The following PIGB variants were observed in gnomAD, a reference collection of about 807,000 sequenced individuals.
The protein encoded by PIGB is phosphatidylinositol glycan anchor biosynthesis class B, also known as GPI alpha-1,2-mannosyltransferase 3.
A neutral mutation model predicts 68.4 loss-of-function variants in PIGB; 58 were observed. The ratio of observed to expected loss-of-function variants is 0.85; its 90% CI spans 0.69 to 1.06. The LOEUF is 1.06. Among genes scored for constraint, PIGB ranks in the 50% least tolerant of loss-of-function variants. PIGB has a pLI of 0.00. For synonymous variants in PIGB, 219 were observed against 220.5 expected, an observed-to-expected ratio of 0.99 and a Z score of 0.06; for missense variants, 634 against 655.8, an observed-to-expected ratio of 0.97 and a Z score of 0.36.
chr15:55,332,061 T>C (rs1401815138), intron 5 of PIGB, among the ~76,000 whole-genome samples: 1 of 151,904 alleles, frequency 6.6e-6, no homozygotes, highest in Non-Finnish European at 1.5e-5. Context: ...CACTGCAACC[T>C]CTGCCTCCTG....
intron 9 of PIGB, among the ~76,000 whole-genome samples, chr15:55,345,449 A>G (rs1382097348): frequency 6.6e-6 from 1 of 152,130 alleles, no homozygotes; most frequent in Non-Finnish European, 1.5e-5. Context: ...TACTTCCTTA[A>G]CAAAATAGCA....
chr15:55,333,637 C>T (rs562320812), intron 5 of PIGB, among the ~76,000 whole-genome samples: 1 of 152,280 alleles, frequency 6.6e-6, no homozygotes, highest in East Asian at 1.9e-4. Context: ...GATGCTGAGG[C>T]AGGAGAATCA....
chr15:55,326,150 T>C (rs913456633), intron 3 of PIGB, among the ~76,000 whole-genome samples: 1 of 150,820 alleles, frequency 6.6e-6, no homozygotes, highest in African/African-American at 2.4e-5. Flanking sequence ...TGAGCCGTGA[T>C]CGTGCCACTG....
chr15:55,320,413 A>T lies in PIGB; in HGVS notation c.299+3A>T. On this transcript the variant is annotated splice_donor_region_variant and intron_variant, in intron 2 of 11. Transcript: ENST00000164305. The stretch of plus-strand genomic sequence containing the variant: ...GTTTCACATCACATGGTTTTCAAAT[A>T]TCCTTTGTGGTTTCTTTTCCAGACT... The T allele has an allele frequency of 6.2e-7, 1 of 1,612,392 alleles. No homozygotes were observed. Among genetic ancestry groups the T allele is most frequent in the South Asian group, 1.1e-5 (1 of 90,940 alleles).
In PIGB at chr15:55,355,508, AG is replaced by A; in HGVS notation, c.*77del. ...TAAATACTTCGGTAAACACTGGGTA[AG>A]ATTCATGGAACTTAGAAAAAAGCTG... On this transcript the variant is annotated 3_prime_UTR_variant, in exon 12 of 12. Transcript: ENST00000164305. 8.3e-7 allele frequency: 1 copy of A among 1,201,664 alleles called. No individual in the cohort carries two copies. Among genetic ancestry groups the A allele is most frequent in the Non-Finnish European group, 1.2e-6 (1 of 852,680 alleles). 74.4% of individuals were successfully genotyped at this position (1,201,664 alleles called of 1,614,324 possible).
intron 9 of PIGB, among the ~76,000 whole-genome samples, chr15:55,348,676 A>G (rs2055858140): frequency 1.3e-5 from 2 of 152,196 alleles, no homozygotes; most frequent in African/African-American, 4.8e-5. Context: ...ACCTTCTGCC[A>G]TGAGTGGAAG....
intron 5 of PIGB, among the ~76,000 whole-genome samples, chr15:55,332,837 A>G (rs911679125): frequency 2.0e-5 from 3 of 152,170 alleles, no homozygotes; most frequent in Non-Finnish European, 4.4e-5. Flanking sequence ...GTCTCTTTCA[A>G]CCATTAGTTT....
chr15:55,331,451 C>T (rs1042023295), intron 5 of PIGB, among the ~76,000 whole-genome samples: 7 of 152,106 alleles, frequency 4.6e-5, no homozygotes, highest in Admixed American at 2.0e-4. Context: ...TGGTGGTTCA[C>T]GCCTGTAATC....
intron 10 of PIGB, among the ~76,000 whole-genome samples, chr15:55,354,216 G>A (rs1053548814): frequency 6.6e-6 from 1 of 151,904 alleles, no homozygotes; most frequent in Non-Finnish European, 1.5e-5. Flanking sequence ...TTGGGAGGCT[G>A]AGACAGGAGA....
intron 9 of PIGB, among the ~76,000 whole-genome samples, chr15:55,344,550 A>G (rs1429224850): frequency 1.3e-5 from 2 of 152,228 alleles, no homozygotes; most frequent in East Asian, 3.8e-4. Context: ...CAGGAAGAAA[A>G]ATAATTGCAG....
intron 6 of PIGB, among the ~76,000 whole-genome samples, chr15:55,336,003 G>A (rs2055526393): frequency 6.7e-6 from 1 of 148,926 alleles, no homozygotes; most frequent in African/African-American, 2.5e-5. Context: ...AAGTGAGTAA[G>A]ATACAGTGTC....
chr15:55,347,245 G>A (rs2055815013), intron 9 of PIGB, among the ~76,000 whole-genome samples: 1 of 152,148 alleles, frequency 6.6e-6, no homozygotes, highest in East Asian at 1.9e-4. Context: ...GGCCAACATG[G>A]TGAAACCCCA....
chr15:55,349,550 C>G (rs1346945671), intron 9 of PIGB: 5 of 152,144 alleles, frequency 3.3e-5, no homozygotes, highest in Non-Finnish European at 7.4e-5. Flanking sequence ...TTTTCTTAAT[C>G]TTGCTACATT....
intron 4 of PIGB, among the ~76,000 whole-genome samples, 190 bp downstream of exon 4, chr15:55,327,825 C>T (rs2055327651): frequency 1.3e-5 from 2 of 152,186 alleles, no homozygotes; most frequent in Admixed American, 1.3e-4. Context: ...TTAAGCCCTG[C>T]ACAGTGTAAG....
intron 9 of PIGB, among the ~76,000 whole-genome samples, chr15:55,342,769 T>G (rs1287126112): frequency 6.6e-6 from 1 of 152,252 alleles, no homozygotes; most frequent in Non-Finnish European, 1.5e-5. Flanking sequence ...AGTCTTAACA[T>G]GTATTTTTTT....
intron 9 of PIGB, among the ~76,000 whole-genome samples, chr15:55,342,749 A>G (rs2055700286): frequency 6.6e-6 from 1 of 152,024 alleles, no homozygotes; most frequent in African/African-American, 2.4e-5. Flanking sequence ...CCTTTTCTCC[A>G]TTTTTCCACA....
chr15:55,333,967 A>G lies in PIGB; in HGVS notation c.754A>G (p.Arg252Gly). Residue 252 changes from arginine to glycine, a missense_variant, in exon 6 of 12, where the codon AGA (arginine) becomes GGA (glycine). Physicochemically the swap from Arg to Gly is moderately radical, Grantham distance 125. Coordinates refer to ENST00000164305, the MANE Select transcript of PIGB (RefSeq NM_004855.5). Reference protein sequence around the residue: ...LLFRHFCQEPRKLDLILHHFL... With the variant: ...LLFRHFCQEPGKLDLILHHFL... ...CTTCAGACATTTCTGTCAAGAACCA[A>G]GAAAGCTTGATCTTATTCTACATCA... 1.2e-6 allele frequency: 2 copies of G among 1,607,550 alleles called. No homozygotes were observed. Among genetic ancestry groups the G allele is most frequent in the Non-Finnish European group, 1.7e-6 (2 of 1,177,278 alleles).
intron 3 of PIGB, among the ~76,000 whole-genome samples, chr15:55,322,634 G>A (rs1292215482): frequency 2.6e-5 from 4 of 152,152 alleles, no homozygotes; most frequent in African/African-American, 9.7e-5. Flanking sequence ...ACAGGTTCTA[G>A]GGTATTTGTT....
chr15:55,351,951 C>CT (rs551615501), intron 10 of PIGB: 22,316 of 126,888 alleles, frequency 0.18, 2,339 homozygotes, highest in East Asian at 0.53. Flanking sequence ...AACTAGACTT[C>CT]TTTTTTTTTT....
Sources: allele counts gnomAD v4.1 joint callset (sites outside exome capture counted in the v4.1 genomes callset), GRCh38; gene constraint gnomAD v4.1.1; transcripts MANE v1.5; gene names NCBI Gene and HGNC (gene_info 2026-07-23, HGNC 2026-07-21).